The following ADGRV1 variants were observed in gnomAD, a reference collection of about 807,000 sequenced individuals.
ADGRV1 encodes G-protein coupled receptor 98.
A neutral mutation model predicts 596.2 loss-of-function variants in ADGRV1; 359 were observed. The observed-to-expected ratio is 0.60, with a 90% CI of 0.55 to 0.66. The LOEUF is 0.66. Among genes scored for constraint, ADGRV1 ranks in the 30% least tolerant of loss-of-function variants. The pLI is 0.00. For synonymous variants in ADGRV1, 2,681 were observed against 2,679.2 expected (o/e 1.00, Z -0.02); for missense variants, 7,274 against 7,575.6 (o/e 0.96, Z 1.48).
chr5:90,676,601 G>T (rs909301459), intron 25 of ADGRV1, among the ~76,000 whole-genome samples: 3 of 152,082 alleles, frequency 2.0e-5, no homozygotes, highest in Non-Finnish European at 4.4e-5. Flanking sequence ...CAGCATGTTC[G>T]TGCTATTTTT....
chr5:90,977,018 C>T (rs908445130), intron 84 of ADGRV1, among the ~76,000 whole-genome samples: 7 of 152,212 alleles, frequency 4.6e-5, no homozygotes, highest in East Asian at 1.9e-4. Flanking sequence ...AGCAAATGTG[C>T]GTGTTATTTA....
chr5:90,716,615 G>A lies in ADGRV1; in HGVS notation c.9333G>A (p.Leu3111=). 6.2e-7 allele frequency: 1 copy of A among 1,613,808 alleles called. No individual in the cohort carries two copies. The highest frequency in any genetic ancestry group is 8.5e-7 in the Non-Finnish European group (1 of 1,179,776). ...TTGTTCGGGAACCTGCACAAGGATT[G>A]TTTGGAACAGTGACAGTTCAGTTCA... The part of the protein sequence containing the change: ...LYIVREPAQG[L]FGTVTVQFIV... Residue 3111 remains leucine, a synonymous_variant, in exon 43 of 90, where the codon TTG becomes TTA. Coordinates refer to ENST00000405460, the MANE Select transcript of ADGRV1 (RefSeq NM_032119.4).
intron 59 of ADGRV1, among the ~76,000 whole-genome samples, chr5:90,767,869 A>G (rs1205924098): frequency 6.6e-6 from 1 of 152,224 alleles, no homozygotes; most frequent in African/African-American, 2.4e-5. Flanking sequence ...AATGGTATTA[A>G]ATCTCAATCA....
intron 59 of ADGRV1, among the ~76,000 whole-genome samples, chr5:90,772,102 G>A (rs1757757414): frequency 6.6e-6 from 1 of 152,114 alleles, no homozygotes; most frequent in Non-Finnish European, 1.5e-5. Context: ...AAGGTGGAAG[G>A]CAATATAAAC....
intron 85 of ADGRV1, among the ~76,000 whole-genome samples, chr5:90,986,192 C>T (rs926713116): frequency 5.3e-5 from 8 of 149,984 alleles, no homozygotes; most frequent in African/African-American, 2.0e-4. Context: ...TTAATAGCTC[C>T]ACATGTAGGG....
intron 85 of ADGRV1, among the ~76,000 whole-genome samples, chr5:91,006,206 G>A (rs1016331584): frequency 3.9e-5 from 6 of 152,100 alleles, no homozygotes; most frequent in Non-Finnish European, 7.4e-5. Context: ...TACTACACAA[G>A]TTATACCCTG....
chr5:90,628,703 A>G lies in ADGRV1; in HGVS notation c.1380A>G (p.Gln460=). 1 of 1,614,038 alleles carries G rather than the reference A, an allele frequency of 6.2e-7. No individual in the cohort carries two copies. The highest frequency in any genetic ancestry group is 8.5e-7 in the Non-Finnish European group (1 of 1,179,888). ...RPSSGVLHFA[Q]GQMLATIPLT... is the part of the protein sequence containing the mutation. ...GCTCTGGAGTTCTCCATTTTGCACA[A>G]GGGCAGATGTTGGCAACAATTCCTC... The change falls in exon 8 of 90, where the codon CAA becomes CAG. Residue 460 remains glutamine (Q), a synonymous_variant. Coordinates refer to ENST00000405460, the MANE Select transcript of ADGRV1 (RefSeq NM_032119.4).
At chr5:90,743,844 AT>A (rs1754285572) in intron 50 of ADGRV1, among the ~76,000 whole-genome samples, 1 of 151,584 alleles carries the variant, frequency 6.6e-6, no homozygotes, top group Non-Finnish European at 1.5e-5. Flanking sequence ...ATGATTTCTC[AT>A]TTTTTCTCCC....
chr5:90,894,835 G>A (rs1282071463), intron 83 of ADGRV1, among the ~76,000 whole-genome samples: 1 of 152,182 alleles, frequency 6.6e-6, no homozygotes, highest in Non-Finnish European at 1.5e-5. Context: ...GCAATGTCTT[G>A]TTTCCTAAGT....
intron 86 of ADGRV1, among the ~76,000 whole-genome samples, chr5:91,096,883 C>T (rs1790919133): frequency 6.6e-6 from 1 of 152,194 alleles, no homozygotes; most frequent in African/African-American, 2.4e-5. Flanking sequence ...CTATTCTGCA[C>T]TCCTCCCAGC....
intron 1 of ADGRV1, chr5:90,614,313 G>A: frequency 3.3e-6 from 1 of 302,184 alleles, no homozygotes; most frequent in Non-Finnish European, 6.5e-6. Context: ...TTCTTTGAAA[G>A]GATTAGAATT....
At chr5:90,564,601 C>T (rs1441058978) in intron 1 of ADGRV1, among the ~76,000 whole-genome samples, 1 of 151,288 alleles carries the variant, frequency 6.6e-6, no homozygotes, top group Non-Finnish European at 1.5e-5. Flanking sequence ...GTACACATTT[C>T]CATGGCGTTT....
intron 74 of ADGRV1, 82 bp from the exon 75 acceptor site, chr5:90,815,537 C>A: frequency 1.4e-6 from 1 of 735,150 alleles, no homozygotes; most frequent in Non-Finnish European, 2.3e-6. Context: ...TTTAAACCAT[C>A]TGAGCTGGCA....
intron 85 of ADGRV1, among the ~76,000 whole-genome samples, chr5:90,996,787 C>T (rs534756000): frequency 7.2e-5 from 11 of 152,314 alleles, no homozygotes; most frequent in African/African-American, 2.2e-4. Context: ...TGACCAAGGC[C>T]TTGGGAGCCC....
intron 87 of ADGRV1, among the ~76,000 whole-genome samples, chr5:91,113,673 C>G (rs768046741): frequency 3.3e-5 from 5 of 152,134 alleles, no homozygotes; most frequent in Non-Finnish European, 7.4e-5. Context: ...AATCCCAGCA[C>G]TTTGGGAGGC....
At position 90,643,905 on chromosome 5, in the gene ADGRV1, C is replaced by A. The variant is rs1314061724; in HGVS notation, c.2656C>A (p.Pro886Thr). 6.2e-7 allele frequency: 1 copy of A among 1,611,852 alleles called. No homozygotes were observed. Among genetic ancestry groups the A allele is most frequent in the Non-Finnish European group, 8.5e-7 (1 of 1,178,630 alleles). ...TATAACGATTCTGAAAAATGATGAT[C>A]CTCATGGCATTATAGAATTTGTTTC... Reference protein sequence around the residue: ...VNITILKNDDPHGIIEFVSDG... With the variant: ...VNITILKNDDTHGIIEFVSDG... Residue 886 changes from proline to threonine, a missense_variant, in exon 14 of 90, where the codon CCT becomes ACT. Coordinates refer to ENST00000405460, the MANE Select transcript of ADGRV1 (RefSeq NM_032119.4).
chr5:90,839,203 GTT>G (rs1173703688), intron 77 of ADGRV1, among the ~76,000 whole-genome samples: 1 of 151,706 alleles, frequency 6.6e-6, no homozygotes, highest in African/African-American at 2.4e-5. Context: ...TCTGTTTTTT[GTT>G]TTTGTTTTTT....
chr5:90,915,769 A>G (rs750198769), intron 83 of ADGRV1, among the ~76,000 whole-genome samples: 2 of 152,166 alleles, frequency 1.3e-5, no homozygotes, highest in African/African-American at 4.8e-5. Flanking sequence ...ACAAAGTACT[A>G]AGATTAATTA....
In ADGRV1 at chr5:90,693,902, T is replaced by C; in HGVS notation, c.7146T>C (p.Phe2382=). The C allele has an allele frequency of 2.6e-6, 4 of 1,551,788 alleles. No individual in the cohort carries two copies. The highest frequency in any genetic ancestry group is 3.5e-6 in the Non-Finnish European group (4 of 1,148,234). The change falls in exon 33 of 90, where the codon TTT becomes TTC. Residue 2382 remains phenylalanine (F), a synonymous_variant. Transcript: ENST00000405460. ...NITVRRSGGH[F]GRLLLFYSTS... ...CTCCACATTTTAGCGGAGGGCACTT[T>C]GGTCGGCTGTTGTTGTTCTACAGTA...
Sources: allele counts gnomAD v4.1 joint callset (sites outside exome capture counted in the v4.1 genomes callset), GRCh38; gene constraint gnomAD v4.1.1; transcripts MANE v1.5; gene names NCBI Gene and HGNC (gene_info 2026-07-23, HGNC 2026-07-21).